The following APOC2 variants were observed in gnomAD, a reference collection of about 807,000 sequenced individuals.
The protein encoded by APOC2 is apolipoprotein C-II.
Under a neutral mutation model 10.2 loss-of-function variants are expected in APOC2, and 6 were observed. The observed-to-expected ratio is 0.59, with a 90% CI of 0.32 to 1.16. The LOEUF (loss-of-function observed/expected upper bound fraction) is 1.16, where lower values mean the gene tolerates loss of function less well. Ranked by LOEUF, APOC2 falls within the 50% of genes most tolerant of loss-of-function variation. The probability of loss-of-function intolerance (pLI) is 0.05; values close to 1 mark genes in which losing one functional copy is unlikely to be tolerated. For missense variants in APOC2, 110 were observed against 117.6 expected (o/e 0.94, Z 0.30); for synonymous variants, 56 against 48.5 (o/e 1.15, Z -0.64).
chr19:44,949,122 C>A (rs752394160), intron 3 of APOC2, 37 bp from the exon 4 acceptor site: 60 of 1,580,388 alleles, frequency 3.8e-5, no homozygotes, highest in African/African-American at 2.2e-4. Flanking sequence ...AGGCCCCCAG[C>A]CCCTCCTCCC....
At chr19:44,948,327 A>C in intron 1 of APOC2, 139 bp from the exon 2 acceptor site, 1 of 742,454 alleles carries the variant, frequency 1.3e-6, no homozygotes, top group South Asian at 1.4e-5. Flanking sequence ...GCTGTGTCCA[A>C]GTCCATGCAT....
intron 2 of APOC2, 66 bp downstream of exon 2, chr19:44,948,599 C>T (rs1329819502): frequency 2.5e-6 from 4 of 1,604,148 alleles, no homozygotes; most frequent in African/African-American, 2.7e-5. Context: ...TCTTCCCAGC[C>T]CAGGCCCTTC....
intron 1 of APOC2, among the ~76,000 whole-genome samples, chr19:44,947,672 G>A (rs1050565744): frequency 2.6e-5 from 4 of 151,876 alleles, no homozygotes; most frequent in Non-Finnish European, 4.4e-5. Context: ...GGTGGCTCAT[G>A]CCTGTAATTC....
In APOC2 at chr19:44,948,278, A is replaced by G. The variant is rs545959147; in HGVS notation, c.-13-188A>G. The stretch of plus-strand genomic sequence containing the variant: ...TAATTAAAATGTTAAAATCAGGAGT[A>G]GAATCACAGAATGTTGGAAAGTGAG... On this transcript the variant is annotated intron_variant, in intron 1 of 3. Transcript: ENST00000252490. 7.0e-4 allele frequency: 428 copies of G among 614,750 alleles called. 3 individuals are homozygous for G. In the South Asian group the frequency reaches 7.7e-3, roughly 11 times the overall value. The allele number at this position is 614,750 out of a possible 1,614,324, so 38.1% of individuals were successfully genotyped here. A position where few individuals can be genotyped will look rare whatever the true frequency, so the allele number is the denominator to read the frequency against.
At chr19:44,946,234 T>TGTGTGTGTGTGTGTGTGTGTGTGTGAGA (rs1236986911) in intron 1 of APOC2, among the ~76,000 whole-genome samples, 159 bp downstream of exon 1, 1 of 132,834 alleles carries the variant, frequency 7.5e-6, no homozygotes, top group African/African-American at 3.0e-5. Context: ...TGTGTGTGTG[T>TGTGTGTGTGTGTGTGTGTGTGTGTGAGA]GAGAGAGAGA....
intron 2 of APOC2, 50 bp downstream of exon 2, chr19:44,948,583 C>T (rs1350018731): frequency 6.2e-7 from 1 of 1,603,404 alleles, no homozygotes; most frequent in South Asian, 1.1e-5. Flanking sequence ...GAATGAGCTC[C>T]AAGCATCTTC....
intron 3 of APOC2, 37 bp from the exon 4 acceptor site, chr19:44,949,122 C>T: frequency 6.3e-7 from 1 of 1,580,506 alleles, no homozygotes; most frequent in Non-Finnish European, 8.7e-7. Context: ...AGGCCCCCAG[C>T]CCCTCCTCCC....
At chr19:44,948,339 G>A (rs2122208949) in intron 1 of APOC2, 127 bp from the exon 2 acceptor site, 1 of 800,434 alleles carries the variant, frequency 1.2e-6, no homozygotes, top group South Asian at 1.4e-5. Context: ...TCCATGCATG[G>A]GAAACTTGAC....
rs74500990 is a variant in APOC2 at position 44,948,697 on chromosome 19, G to C, written c.56-4G>C. The C allele has an allele frequency of 2.3e-3, 3,655 of 1,613,916 alleles. 53 individuals are homozygous for C. In the African/African-American group the frequency reaches 0.037, roughly 16 times the overall value. ...GGCTCTCCTGACACACTCTCCCCCT[G>C]CAGAGGTCCAGGGGACCCAACAGCC... On this transcript the variant is annotated splice_region_variant and splice_polypyrimidine_tract_variant and intron_variant, in intron 2 of 3. Transcript: ENST00000252490.
chr19:44,948,945 T>G, intron 3 of APOC2, 85 bp downstream of exon 3: 2 of 1,574,022 alleles, frequency 1.3e-6, no homozygotes, highest in Non-Finnish European at 1.7e-6. Flanking sequence ...CAGCCCCTCC[T>G]CCCTCAGACC....
intron 1 of APOC2, 61 bp from the exon 2 acceptor site, chr19:44,948,405 G>C: frequency 1.4e-6 from 2 of 1,433,936 alleles, no homozygotes; most frequent in Non-Finnish European, 2.0e-6. Flanking sequence ...AGAGTGGGGC[G>C]TGACCACAGG....
rs2122209919 is a variant in APOC2, at chr19:44,948,723, C to A, written c.78C>A (p.Pro26=). 1.9e-6 allele frequency: 3 copies of A among 1,614,136 alleles called. No homozygotes were observed. Among genetic ancestry groups the A allele is most frequent in the Non-Finnish European group, 2.5e-6 (3 of 1,180,022 alleles). The change falls in exon 3 of 4, where the codon CCC becomes CCA. Residue 26 remains proline, a synonymous_variant. Transcript: ENST00000252490. Reference sequence around the variant, plus strand: ...CAGAGGTCCAGGGGACCCAACAGCCCCAGCAAGATGAGATGCCTAGCCCGA... The same window carrying A: ...CAGAGGTCCAGGGGACCCAACAGCCACAGCAAGATGAGATGCCTAGCCCGA... ...LGFEVQGTQQ[P]QQDEMPSPTF...
In APOC2 at chr19:44,949,399, G is replaced by C; in HGVS notation, c.*150G>C. On this transcript the variant is annotated 3_prime_UTR_variant, in exon 4 of 4. Coordinates refer to ENST00000252490, the MANE Select transcript of APOC2 (RefSeq NM_000483.5). ...TTCAATAAAAAATACAATTCAAGTT[G>C]CTTCTCATGGATGGCACTGCTTTTC... is the stretch of plus-strand genomic sequence containing the variant. The C allele has an allele frequency of 2.9e-6, 2 of 701,158 alleles. No individual in the cohort carries two copies. The highest frequency in any genetic ancestry group is 5.1e-6 in the Non-Finnish European group (2 of 395,484). The allele number at this position is 701,158 out of a possible 1,614,324, so 43.4% of individuals were successfully genotyped here. A position where few individuals can be genotyped will look rare whatever the true frequency, so the allele number is the denominator to read the frequency against.
In APOC2 at chr19:44,948,517, C is replaced by T; in HGVS notation, c.39C>T (p.Leu13=). 1 of 1,614,102 alleles carries T rather than the reference C, an allele frequency of 6.2e-7. No individual in the cohort carries two copies. Among genetic ancestry groups the T allele is most frequent in the Non-Finnish European group, 8.5e-7 (1 of 1,180,008 alleles). ...TCCTCCCAGCTCTGTTTCTTGTCCT[C>T]CTGGTATTGGGATTTGGTGAGTGTG... ...TRLLPALFLV[L]LVLGFEVQGT... The change falls in exon 2 of 4, where the codon CTC becomes CTT. Residue 13 remains leucine (L), a synonymous_variant. Transcript: ENST00000252490.
chr19:44,948,746 C>T lies in APOC2; in HGVS notation c.101C>T (p.Pro34Leu), dbSNP rs200404502. Residue 34 changes from proline to leucine, a missense_variant, in exon 3 of 4, where the codon CCG (proline) becomes CTG (leucine). Transcript: ENST00000252490. ...CCCCAGCAAGATGAGATGCCTAGCC[C>T]GACCTTCCTCACCCAGGTGAAGGAA... Reference protein sequence around the residue: ...QQPQQDEMPSPTFLTQVKESL... With the variant: ...QQPQQDEMPSLTFLTQVKESL... 22 of 1,614,164 alleles carry T rather than the reference C, an allele frequency of 1.4e-5. No homozygotes were observed. The Admixed American group carries it at 2.2e-4, about 16-fold the overall frequency.
chr19:44,946,234 T>TGTGTGTGAGAGAGA (rs1236986911), intron 1 of APOC2, among the ~76,000 whole-genome samples, 159 bp downstream of exon 1: 9 of 132,908 alleles, frequency 6.8e-5, no homozygotes, highest in African/African-American at 2.1e-4. Context: ...TGTGTGTGTG[T>TGTGTGTGAGAGAGA]GAGAGAGAGA....
chr19:44,948,094 C>G (rs937201209), intron 1 of APOC2, among the ~76,000 whole-genome samples: 2 of 149,776 alleles, frequency 1.3e-5, no homozygotes, highest in Non-Finnish European at 3.0e-5. Flanking sequence ...AAAAATCAGC[C>G]GGGTGGTGGC....
At chr19:44,948,881 A>T (rs771464520) in intron 3 of APOC2, 21 bp downstream of exon 3, 1 of 1,609,384 alleles carries the variant, frequency 6.2e-7, no homozygotes, top group South Asian at 1.1e-5. Context: ...CCCCTGGAGA[A>T]ATGGGGTCTG....
At chr19:44,946,292 C>T (rs931847510) in intron 1 of APOC2, among the ~76,000 whole-genome samples, 2 of 151,628 alleles carry the variant, frequency 1.3e-5, no homozygotes, top group Admixed American at 6.6e-5. Flanking sequence ...GACTCAAACT[C>T]CTGGGCTCAA....
Sources: gnomAD v4.1 joint callset for allele counts (sites outside exome capture counted in the v4.1 genomes callset) on GRCh38, gnomAD v4.1.1 for gene constraint, MANE v1.5 for transcripts, NCBI Gene and HGNC (gene_info 2026-07-23, HGNC 2026-07-21) for gene names.